CFAP46: variants seen among roughly 807,000 people sequenced by gnomAD.
The protein encoded by CFAP46 is cilia and flagella associated protein 46, also known as cilia- and flagella-associated protein 46.
CFAP46 carries 245 observed loss-of-function variants against 325.7 expected under a neutral mutation model. The ratio of observed to expected loss-of-function variants is 0.75; its 90% CI spans 0.68 to 0.84. The LOEUF (loss-of-function observed/expected upper bound fraction) is 0.84. Among genes scored for constraint, CFAP46 ranks in the 40% least tolerant of loss-of-function variants. The pLI is 0.00. For synonymous variants in CFAP46, 1,523 were observed against 1,495.9 expected, an observed-to-expected ratio of 1.02 and a Z score of -0.42; for missense variants, 3,346 against 3,543.0, an observed-to-expected ratio of 0.94 and a Z score of 1.41.
intron 38 of CFAP46, 70 bp from the exon 39 acceptor site, chr10:132,857,858 TC>T: frequency 7.9e-7 from 1 of 1,259,944 alleles, no homozygotes; most frequent in Non-Finnish European, 1.1e-6. Flanking sequence ...TATGTCATTT[TC>T]TATCATACTG....
At position 132,808,767 on chromosome 10, in the gene CFAP46, G is replaced by A. The variant is rs769713618; in HGVS notation, c.7802C>T (p.Ser2601Leu). Reference sequence around the variant, plus strand: ...GGCAAGTGCTGGGGCCCCAGCAGCTGATGGGAGGCAGGTCCAGGCCTGCAC... The same window carrying A: ...GGCAAGTGCTGGGGCCCCAGCAGCTAATGGGAGGCAGGTCCAGGCCTGCAC... The part of the protein sequence containing the change: ...RVVQAWTCLP[S>L]AAGAPALASA... Residue 2601 changes from serine to leucine, a missense_variant, in exon 58 of 58, where the codon TCA (serine) becomes TTA (leucine). Coordinates refer to ENST00000368586, the MANE Select transcript of CFAP46 (RefSeq NM_001200049.3). This position sits in a 1 kb window ranked among gnomAD's most constrained non-coding sequence, Gnocchi z 6.8. 1 of 1,590,754 alleles carries A rather than the reference G, an allele frequency of 6.3e-7. No homozygotes were observed. The highest frequency in any genetic ancestry group is 8.6e-7 in the Non-Finnish European group (1 of 1,168,898).
rs745796215 is a variant in CFAP46, at chr10:132,808,756, C to T, written c.7813G>A (p.Ala2605Thr). 4 of 1,581,844 alleles carry T rather than the reference C, an allele frequency of 2.5e-6. No individual in the cohort carries two copies. Among genetic ancestry groups the T allele is most frequent in the South Asian group, 2.3e-5 (2 of 87,678 alleles). The change falls in exon 58 of 58, where the codon GCC becomes ACC. Residue 2605 changes from alanine to threonine, a missense_variant. Transcript: ENST00000368586. The surrounding 1 kb of genome is among the most constrained non-coding windows in gnomAD (Gnocchi z 6.8). ...CCAAGGGCAGAGGCAAGTGCTGGGG[C>T]CCCAGCAGCTGATGGGAGGCAGGTC... ...AWTCLPSAAG[A>T]PALASALGSA...
chr10:132,859,348 T>C (rs2001323), intron 37 of CFAP46, 101 bp from the exon 38 acceptor site: 451,054 of 981,236 alleles, frequency 0.46, 107,603 homozygotes, highest in Admixed American at 0.58. Context: ...CATCCAGGGA[T>C]GCTCGGAGAA....
chr10:132,913,393 C>T (rs4880468), intron 17 of CFAP46, 135 bp from the exon 18 acceptor site: 68,432 of 579,410 alleles, frequency 0.12, 7,616 homozygotes, highest in Admixed American at 0.37. Context: ...GGCGACCAAA[C>T]TCCATCTGCA....
Position 132,919,586 on chromosome 10 carries a change from G to C in CFAP46, c.1731-144C>G, listed in dbSNP as rs1849690008. The stretch of plus-strand genomic sequence containing the variant: ...GGCAAGGAGCCCGGCACTCGCGCTG[G>C]GTACGGCCTGGCGGGTGCATGTCCC... On this transcript the variant is annotated intron_variant, in intron 14 of 57. Coordinates refer to ENST00000368586, the MANE Select transcript of CFAP46 (RefSeq NM_001200049.3). The surrounding 1 kb of genome is among the most constrained non-coding windows in gnomAD (Gnocchi z 9.7). 9.0e-7 allele frequency: 1 copy of C among 1,116,102 alleles called. No individual in the cohort carries two copies. The highest frequency in any genetic ancestry group is 2.8e-5 in the Admixed American group (1 of 36,358). The allele number at this position is 1,116,102 out of a possible 1,614,324, so 69.1% of individuals were successfully genotyped here.
chr10:132,867,800 C>T (rs914780177), intron 33 of CFAP46, among the ~76,000 whole-genome samples: 2 of 152,096 alleles, frequency 1.3e-5, no homozygotes, highest in African/African-American at 4.8e-5. Context: ...GCCCCGGCCC[C>T]GCTGTGCCTC....
chr10:132,899,393 G>C, intron 23 of CFAP46, 142 bp downstream of exon 23: 5 of 1,235,086 alleles, frequency 4.0e-6, no homozygotes, highest in Non-Finnish European at 5.5e-6. Context: ...ACTGTGCCCT[G>C]AACTGGCCGC....
chr10:132,902,016 C>T (rs1224682425), intron 22 of CFAP46, among the ~76,000 whole-genome samples: 1 of 152,228 alleles, frequency 6.6e-6, no homozygotes, highest in East Asian at 1.9e-4. Flanking sequence ...CCAGGATCTG[C>T]TCCCGGTCTT....
intron 9 of CFAP46, among the ~76,000 whole-genome samples, chr10:132,927,018 T>C (rs1017534066): frequency 6.6e-6 from 1 of 152,116 alleles, no homozygotes; most frequent in African/African-American, 2.4e-5. Flanking sequence ...CAATGTGTTG[T>C]ACGTCACACC....
intron 50 of CFAP46, among the ~76,000 whole-genome samples, chr10:132,831,486 G>A (rs759479046): frequency 3.3e-5 from 5 of 152,040 alleles, no homozygotes; most frequent in Admixed American, 1.3e-4. Context: ...TCCTCTTTAC[G>A]GAATGGCCCA....
At chr10:132,820,904 CTGTG>C (rs761421641) in intron 50 of CFAP46, among the ~76,000 whole-genome samples, 1 of 75,542 alleles carries the variant, frequency 1.3e-5, no homozygotes, top group Non-Finnish European at 2.5e-5. Context: ...CTGATGTGTG[CTGTG>C]TGTGTGCTGA....
chr10:132,823,770 T>A (rs1222141037), intron 50 of CFAP46, among the ~76,000 whole-genome samples: 1 of 120,434 alleles, frequency 8.3e-6, no homozygotes, highest in Admixed American at 9.5e-5. Flanking sequence ...GTGTGTGCTG[T>A]GTGCTGTGTG....
At chr10:132,820,160 G>A (rs1401281459) in intron 50 of CFAP46, among the ~76,000 whole-genome samples, 3 of 152,256 alleles carry the variant, frequency 2.0e-5, no homozygotes. Context: ...TGACGACGGA[G>A]CAGGTCTCAG....
intron 50 of CFAP46, among the ~76,000 whole-genome samples, chr10:132,823,127 ATGTGTGCTC>A (rs1221631170): frequency 1.0e-5 from 1 of 96,702 alleles, no homozygotes; most frequent in Non-Finnish European, 1.9e-5. Flanking sequence ...GTGTGTGCTG[ATGTGTGCTC>A]TGTGTGCTGA....
intron 48 of CFAP46, among the ~76,000 whole-genome samples, chr10:132,834,429 A>C (rs2135002611): frequency 6.6e-6 from 1 of 152,272 alleles, no homozygotes; most frequent in South Asian, 2.1e-4. Flanking sequence ...CACTTGGGCC[A>C]GGGGCTGGAG....
At chr10:132,931,131 C>T (rs1849893719) in intron 8 of CFAP46, among the ~76,000 whole-genome samples, 1 of 77,808 alleles carries the variant, frequency 1.3e-5, no homozygotes, top group Non-Finnish European at 2.6e-5. Context: ...CTTCCCCACA[C>T]TCCCCACGCA....
At chr10:132,936,524 T>C (rs1850009366) in intron 7 of CFAP46, among the ~76,000 whole-genome samples, 2 of 129,916 alleles carry the variant, frequency 1.5e-5, no homozygotes, top group Non-Finnish European at 3.2e-5. Context: ...CCAAATACAC[T>C]GTGATCTCCT....
chr10:132,898,456 C>CT (rs1849346473), intron 24 of CFAP46: 1 of 275,084 alleles, frequency 3.6e-6, no homozygotes. Flanking sequence ...CACTTGGCCC[C>CT]TCTCCTTCAA....
intron 22 of CFAP46, among the ~76,000 whole-genome samples, chr10:132,900,087 G>C (rs1849373371): frequency 2.0e-5 from 3 of 152,170 alleles, no homozygotes; most frequent in Admixed American, 1.3e-4. Flanking sequence ...AAACTAACTA[G>C]CTGTGTCCAG....
Sources: gnomAD v4.1 joint callset for allele counts (sites outside exome capture counted in the v4.1 genomes callset) on GRCh38, gnomAD v4.1.1 for gene constraint, Gnocchi (gnomAD v3.1) non-coding constraint, MANE v1.5 for transcripts, NCBI Gene and HGNC (gene_info 2026-07-23, HGNC 2026-07-21) for gene names.